The following NOCT variants were observed in gnomAD, a reference collection of about 807,000 sequenced individuals.
NOCT encodes CCR4 carbon catabolite repression 4-like.
NOCT carries 18 observed loss-of-function variants against 35.0 expected under a neutral mutation model. That is an observed-to-expected ratio of 0.51 (90% CI 0.36 to 0.76). The LOEUF (loss-of-function observed/expected upper bound fraction) is 0.76, where lower values mean the gene tolerates loss of function less well. NOCT is among the 30% of genes least tolerant of loss of function. The probability of loss-of-function intolerance (pLI) is 0.01; values close to 1 mark genes in which losing one functional copy is unlikely to be tolerated. For synonymous variants in NOCT, 235 were observed against 226.3 expected (o/e 1.04, Z -0.34); for missense variants, 479 against 541.0 (o/e 0.89, Z 1.14).
At chr4:139,025,508 T>G (rs527983498) in intron 1 of NOCT, among the ~76,000 whole-genome samples, 1 of 152,300 alleles carries the variant, frequency 6.6e-6, no homozygotes, top group South Asian at 2.1e-4. Context: ...TATTGATGCA[T>G]TCTTTAAAAA....
At chr4:139,025,961 C>T (rs1186885761) in intron 1 of NOCT, among the ~76,000 whole-genome samples, 1 of 152,120 alleles carries the variant, frequency 6.6e-6, no homozygotes, top group African/African-American at 2.4e-5. Flanking sequence ...CTTAACTATT[C>T]AAGCAATGCA....
In NOCT at chr4:139,021,409, G is replaced by A. The variant is rs368106776; in HGVS notation, c.190+5238G>A. Among the ~76,000 whole-genome samples, 35 of 152,128 alleles carry A rather than the reference G, an allele frequency of 2.3e-4. No homozygotes were observed. The East Asian group carries it at 2.7e-3, about 12-fold the overall frequency. Reference sequence around the variant, plus strand: ...CAAGGCAGGCGGATCACCTGAGGTCGGGAGTTCGAGACCAGCCTGACCAAC... The same window carrying A: ...CAAGGCAGGCGGATCACCTGAGGTCAGGAGTTCGAGACCAGCCTGACCAAC... On this transcript the variant is annotated intron_variant, in intron 1 of 2. Coordinates refer to ENST00000280614, the MANE Select transcript of NOCT (RefSeq NM_012118.4).
Position 139,015,863 on chromosome 4 carries a change from A to T in NOCT, c.-119A>T. 1.3e-6 allele frequency: 1 copy of T among 773,442 alleles called. No individual in the cohort carries two copies. Among genetic ancestry groups the T allele is most frequent in the Non-Finnish European group, 1.7e-6 (1 of 577,396 alleles). 47.9% of individuals were successfully genotyped at this position (773,442 alleles called of 1,614,324 possible). A position where few individuals can be genotyped will look rare whatever the true frequency, so the allele number is the denominator to read the frequency against. On this transcript the variant is annotated 5_prime_UTR_variant, in exon 1 of 3. The change creates a new upstream start codon in the 5' untranslated region. Coordinates refer to ENST00000280614, the MANE Select transcript of NOCT (RefSeq NM_012118.4). ...TCCCCAGAACCTGCGCCGCGCGAGAAGGAGCCTGGGAGCATCCGCCCACAC... is the reference window on the plus strand; with the variant it reads ...TCCCCAGAACCTGCGCCGCGCGAGATGGAGCCTGGGAGCATCCGCCCACAC...
At chr4:139,040,907 A>T (rs941345890) in intron 1 of NOCT, among the ~76,000 whole-genome samples, 2 of 145,864 alleles carry the variant, frequency 1.4e-5, no homozygotes, top group African/African-American at 5.0e-5. Context: ...TACAGGAAGT[A>T]AAAAAAAAAA....
chr4:139,017,211 T>G (rs934558763), intron 1 of NOCT, among the ~76,000 whole-genome samples: 2 of 149,976 alleles, frequency 1.3e-5, no homozygotes. Context: ...CTTTCAAAAC[T>G]AGGCAATACA....
rs532441145 is a variant in NOCT, at chr4:139,034,953, A to G, written c.191-8121A>G. On this transcript the variant is annotated intron_variant, in intron 1 of 2. Transcript: ENST00000280614. ...TTTGATCTCCTTTCTCTCTAACTCA[A>G]TTCAGTCTTTTCTGTGCATTAACAT... Among the ~76,000 whole-genome samples the G allele has an allele frequency of 2.6e-5, 4 of 152,054 alleles. No individual in the cohort carries two copies. The South Asian group carries it at 8.3e-4, about 32-fold the overall frequency.
chr4:139,042,141 C>T (rs1185213311), intron 1 of NOCT, among the ~76,000 whole-genome samples: 9 of 147,166 alleles, frequency 6.1e-5, no homozygotes, highest in Non-Finnish European at 1.2e-4. Context: ...CACCTCAGCT[C>T]ACTGCAACCA....
chr4:139,042,284 G>C (rs551182828), intron 1 of NOCT, among the ~76,000 whole-genome samples: 4 of 151,924 alleles, frequency 2.6e-5, no homozygotes, highest in African/African-American at 9.7e-5. Context: ...GGCCAGGCTG[G>C]TCTCGAACTC....
At chr4:139,017,352 C>G (rs1020275692) in intron 1 of NOCT, among the ~76,000 whole-genome samples, 1 of 150,796 alleles carries the variant, frequency 6.6e-6, no homozygotes, top group African/African-American at 2.4e-5. Flanking sequence ...CTCAACCTCC[C>G]GAGAAGCTGG....
At chr4:139,029,244 T>C (rs1421884972) in intron 1 of NOCT, among the ~76,000 whole-genome samples, 1 of 152,248 alleles carries the variant, frequency 6.6e-6, no homozygotes, top group African/African-American at 2.4e-5. Flanking sequence ...GTACCTCTTG[T>C]TTAACTAAAT....
At chr4:139,030,785 G>GT (rs1726609307) in intron 1 of NOCT, among the ~76,000 whole-genome samples, 1 of 152,162 alleles carries the variant, frequency 6.6e-6, no homozygotes, top group African/African-American at 2.4e-5. Context: ...AATTAGCTTA[G>GT]TTTTTGTGAG....
Position 139,016,048 on chromosome 4 carries a change from C to T in NOCT, c.67C>T (p.Leu23=). The T allele has an allele frequency of 7.2e-7, 1 of 1,390,542 alleles. No individual in the cohort carries two copies. 86.1% of individuals were successfully genotyped at this position (1,390,542 alleles called of 1,614,324 possible). Residue 23 remains leucine, a synonymous_variant, in exon 1 of 3, where the codon CTG becomes TTG. Coordinates refer to ENST00000280614, the MANE Select transcript of NOCT (RefSeq NM_012118.4). ...GAGGGACGCGCCCGGCCTGCGCCGCCTGCCCGCCCCAGGGCTGCGCCGCCC... is the reference window on the plus strand; with the variant it reads ...GAGGGACGCGCCCGGCCTGCGCCGCTTGCCCGCCCCAGGGCTGCGCCGCCC... ...LQRDAPGLRR[L]PAPGLRRPLS...
chr4:139,020,587 T>C (rs1295583860), intron 1 of NOCT, among the ~76,000 whole-genome samples: 1 of 152,202 alleles, frequency 6.6e-6, no homozygotes, highest in Non-Finnish European at 1.5e-5. Context: ...ATTTCTGGCC[T>C]TTCAGCCCTC....
Position 139,015,911 on chromosome 4 carries a change from C to A in NOCT, c.-71C>A. 2 of 1,190,018 alleles carry A rather than the reference C, an allele frequency of 1.7e-6. No individual in the cohort carries two copies. Among genetic ancestry groups the A allele is most frequent in the African/African-American group, 1.6e-5 (1 of 62,002 alleles). The allele number at this position is 1,190,018 out of a possible 1,614,324, so 73.7% of individuals were successfully genotyped here. A position where few individuals can be genotyped will look rare whatever the true frequency, so the allele number is the denominator to read the frequency against. ...CACTGCCCGGACAGTCGGCTCGACT[C>A]GGTGCCCTCGGCCCCAGCCGGGCTC... On this transcript the variant is annotated 5_prime_UTR_variant, in exon 1 of 3. Coordinates refer to ENST00000280614, the MANE Select transcript of NOCT (RefSeq NM_012118.4).
intron 1 of NOCT, among the ~76,000 whole-genome samples, chr4:139,041,845 C>G (rs1296304013): frequency 6.6e-6 from 1 of 152,088 alleles, no homozygotes; most frequent in Non-Finnish European, 1.5e-5. Flanking sequence ...GAGTATACCA[C>G]TCAGTGAAGT....
chr4:139,034,297 A>G (rs947789409), intron 1 of NOCT, among the ~76,000 whole-genome samples: 10 of 151,970 alleles, frequency 6.6e-5, no homozygotes, highest in African/African-American at 1.9e-4. Flanking sequence ...CCATTGCCCA[A>G]CTCCCAACAC....
intron 1 of NOCT, among the ~76,000 whole-genome samples, chr4:139,017,012 A>ATT (rs140723527): frequency 6.5e-5 from 7 of 108,352 alleles, no homozygotes; most frequent in Non-Finnish European, 9.3e-5. Context: ...AGTTAACATC[A>ATT]TTTTTTGTCC....
Position 139,016,136 on chromosome 4 carries a change from C to A in NOCT, c.155C>A (p.Ala52Glu). ...ASPRLLAAAS[A>E]ASGAARSCSR... ...CCCCGGCTGCTGGCGGCGGCCTCGG[C>A]GGCCTCGGGCGCCGCGAGGTCGTGT... The change falls in exon 1 of 3, where the codon GCG becomes GAG. Residue 52 changes from alanine (A) to glutamate (E), a missense_variant. Around this residue, in one of 2 missense-constraint regions of NOCT, gnomAD observed 265 missense variants for 257.0 expected, o/e 1.03. Transcript: ENST00000280614. The A allele has an allele frequency of 7.8e-7, 1 of 1,281,184 alleles. No individual in the cohort carries two copies. Among genetic ancestry groups the A allele is most frequent in the Non-Finnish European group, 9.8e-7 (1 of 1,017,630 alleles). The allele number at this position is 1,281,184 out of a possible 1,614,324, so 79.4% of individuals were successfully genotyped here.
At chr4:139,042,961 G>T in intron 1 of NOCT, 113 bp from the exon 2 acceptor site, 1 of 938,656 alleles carries the variant, frequency 1.1e-6, no homozygotes, top group Non-Finnish European at 1.6e-6. Flanking sequence ...CACTATTATG[G>T]CAACAATTGA....
Sources: allele counts gnomAD v4.1 joint callset (sites outside exome capture counted in the v4.1 genomes callset), GRCh38; gene constraint gnomAD v4.1.1; regional missense constraint gnomAD v4.1.1; transcripts MANE v1.5; gene names NCBI Gene and HGNC (gene_info 2026-07-23, HGNC 2026-07-21).